Variants in C14orf39 observed in about 807,000 individuals in gnomAD.
C14orf39 encodes the protein chromosome 14 open reading frame 39.
Under a neutral mutation model 85.6 loss-of-function variants are expected in C14orf39, and 66 were observed. That is an observed-to-expected ratio of 0.77 (90% confidence interval 0.63 to 0.95). The LOEUF (loss-of-function observed/expected upper bound fraction) is 0.95. Ranked by LOEUF, C14orf39 falls within the 40% of genes least tolerant of loss-of-function variation. The pLI, the probability that C14orf39 is intolerant of heterozygous loss-of-function variation, is 0.00. For synonymous variants in C14orf39, 242 were observed against 214.0 expected (o/e 1.13, Z -1.14); for missense variants, 735 against 663.9 (o/e 1.11, Z -1.18).
At chr14:60,473,665 T>C (rs1892219128) in intron 5 of C14orf39, among the ~76,000 whole-genome samples, 1 of 152,220 alleles carries the variant, frequency 6.6e-6, no homozygotes, top group Admixed American at 6.5e-5. Context: ...AGGGAATCCT[T>C]TCCCCATTTC....
intron 16 of C14orf39, among the ~76,000 whole-genome samples, chr14:60,450,113 G>A (rs558840082): frequency 1.3e-5 from 2 of 152,262 alleles, no homozygotes. Context: ...TGGTGGCTAT[G>A]GTAAAAGACC....
At chr14:60,450,600 AG>A (rs1890985974) in intron 16 of C14orf39, among the ~76,000 whole-genome samples, 1 of 152,198 alleles carries the variant, frequency 6.6e-6, no homozygotes, top group African/African-American at 2.4e-5. Flanking sequence ...AGCCACCTGA[AG>A]GGATGGACAC....
intron 16 of C14orf39, among the ~76,000 whole-genome samples, chr14:60,445,685 T>G (rs145281189): frequency 0.011 from 1,725 of 152,260 alleles, 33 homozygotes; most frequent in African/African-American, 0.039. Context: ...TATCCAGGAC[T>G]TGAACTCAGC....
intron 1 of C14orf39, chr14:60,510,082 G>C: frequency 1.0e-6 from 1 of 983,434 alleles, no homozygotes; most frequent in South Asian, 1.4e-5. Context: ...GGAGTTGGGA[G>C]CGCGGTCTGT....
intron 1 of C14orf39, among the ~76,000 whole-genome samples, chr14:60,504,972 C>A (rs1000142173): frequency 6.6e-6 from 1 of 152,202 alleles, no homozygotes; most frequent in South Asian, 2.1e-4. Flanking sequence ...ATTTCCTCCA[C>A]TTAACAATAT....
In C14orf39 at chr14:60,514,223, C is replaced by T. The variant is rs775029037; in HGVS notation, c.-144+1172G>A. 4.6e-5 allele frequency among the ~76,000 whole-genome samples: 7 copies of T among 152,188 alleles called. No homozygotes were observed. The South Asian group carries it at 8.3e-4, about 18-fold the overall frequency. On this transcript the variant is annotated intron_variant, in intron 1 of 5. Coordinates refer to the C14orf39 transcript ENST00000556799. ...TCCATATCAGCTTCATTCTGGTCTT[C>T]AGGGTTTTGGGGGGAAAAAAAGTCC...
At chr14:60,442,361 A>C (rs962321365) in intron 16 of C14orf39, among the ~76,000 whole-genome samples, 1 of 152,186 alleles carries the variant, frequency 6.6e-6, no homozygotes, top group Non-Finnish European at 1.5e-5. Context: ...ACACTGTACT[A>C]AAGATAGCTC....
At chr14:60,498,386 C>G (rs1291129467) in intron 2 of C14orf39, among the ~76,000 whole-genome samples, 1 of 152,176 alleles carries the variant, frequency 6.6e-6, no homozygotes, top group East Asian at 1.9e-4. Flanking sequence ...TCATTAAAGA[C>G]TGTTTCTCAG....
chr14:60,513,744 C>T (rs1391895040), intron 1 of C14orf39, among the ~76,000 whole-genome samples: 2 of 152,126 alleles, frequency 1.3e-5, no homozygotes, highest in African/African-American at 4.8e-5. Flanking sequence ...AAGAAAATGT[C>T]CATTCCGCAG....
At chr14:60,493,033 A>G (rs1164459065) in intron 2 of C14orf39, among the ~76,000 whole-genome samples, 1 of 152,178 alleles carries the variant, frequency 6.6e-6, no homozygotes, top group East Asian at 1.9e-4. Context: ...GGCAAACTGA[A>G]TTATGTCACC....
At chr14:60,468,862 TTC>T (rs1891928495) in intron 8 of C14orf39, among the ~76,000 whole-genome samples, 1 of 151,598 alleles carries the variant, frequency 6.6e-6, no homozygotes, top group African/African-American at 2.4e-5. Context: ...ATCTACTTTC[TTC>T]TGTTTACTAA....
At chr14:60,482,130 C>T (rs1892668642) in intron 4 of C14orf39, among the ~76,000 whole-genome samples, 2 of 152,120 alleles carry the variant, frequency 1.3e-5, no homozygotes, top group African/African-American at 4.8e-5. Context: ...ATATTAAAAT[C>T]AACAGATCCT....
intron 15 of C14orf39, among the ~76,000 whole-genome samples, 162 bp downstream of exon 15, chr14:60,456,755 G>C (rs1464606996): frequency 1.3e-5 from 2 of 152,006 alleles, no homozygotes; most frequent in Non-Finnish European, 2.9e-5. Flanking sequence ...AGGGTGATGG[G>C]TAAATGGAGG....
At position 60,482,879 on chromosome 14, in the gene C14orf39, G is replaced by GGGGTGTGT. The variant is rs71435509; in HGVS notation, c.233+811_233+812insACACACCC. ...AAAAGGAAATACAGCTATATAGACA[G>GGGGTGTGT]GTGTGTGTGTGTGTGTGTGTGTGTG... On this transcript the variant is annotated intron_variant, in intron 4 of 17. Transcript: ENST00000321731. 8.2e-5 allele frequency among the ~76,000 whole-genome samples: 12 copies of GGGGTGTGT among 146,746 alleles called. No homozygotes were observed. In the South Asian group the frequency reaches 2.6e-3, roughly 32 times the overall value.
At chr14:60,467,835 G>C (rs979755166) in intron 9 of C14orf39, among the ~76,000 whole-genome samples, 2 of 151,370 alleles carry the variant, frequency 1.3e-5, no homozygotes, top group Non-Finnish European at 3.0e-5. Context: ...AGTTTCAGAA[G>C]AATGAAAAAG....
At chr14:60,453,532 G>T (rs1208150280) in intron 16 of C14orf39, among the ~76,000 whole-genome samples, 1 of 150,854 alleles carries the variant, frequency 6.6e-6, no homozygotes, top group African/African-American at 2.4e-5. Flanking sequence ...ATGAGTGTTA[G>T]CCCATTCACA....
chr14:60,444,201 G>A (rs1271736584), intron 16 of C14orf39, among the ~76,000 whole-genome samples: 1 of 152,174 alleles, frequency 6.6e-6, no homozygotes, highest in Non-Finnish European at 1.5e-5. Context: ...AAATGACTTT[G>A]ACGAGTTGAT....
chr14:60,483,543 T>C, intron 4 of C14orf39, 148 bp downstream of exon 4: 1 of 572,472 alleles, frequency 1.7e-6, no homozygotes, highest in African/African-American at 2.0e-5. Flanking sequence ...CCTCCTATAA[T>C]CCCTTTACAT....
chr14:60,454,445 C>T (rs947211143), intron 16 of C14orf39, among the ~76,000 whole-genome samples: 5 of 151,950 alleles, frequency 3.3e-5, no homozygotes, highest in Admixed American at 2.6e-4. Context: ...CTGGTACACA[C>T]CTAAGTAGTC....
Sources: gnomAD v4.1 joint callset for allele counts (sites outside exome capture counted in the v4.1 genomes callset) on GRCh38, gnomAD v4.1.1 for gene constraint, MANE v1.5 for transcripts, NCBI Gene and HGNC (gene_info 2026-07-23, HGNC 2026-07-21) for gene names.